Variants in ACSS3 observed in about 807,000 individuals in gnomAD.
The protein encoded by ACSS3 is acyl-CoA synthetase short-chain family member 3, mitochondrial.
Under a neutral mutation model 84.2 loss-of-function variants are expected in ACSS3, and 64 were observed. That is an observed-to-expected ratio of 0.76 (90% CI 0.62 to 0.94). ACSS3 has a LOEUF of 0.94. Among genes scored for constraint, ACSS3 ranks in the 40% least tolerant of loss-of-function variants. ACSS3 has a pLI of 0.00. For missense variants in ACSS3, 815 were observed against 867.6 expected (o/e 0.94, Z 0.76); for synonymous variants, 317 against 310.1 (o/e 1.02, Z -0.23).
In ACSS3 at chr12:81,245,747, G is replaced by A. The variant is rs1565742374; in HGVS notation, c.1720-7560G>A. ...GTTTTGGGGGAGTGGTTTTCCCTGT[G>A]AACTTCCTCTCTGACAAATCTAAGA... On this transcript the variant is annotated intron_variant, in intron 13 of 15. Coordinates refer to ENST00000548058, the MANE Select transcript of ACSS3 (RefSeq NM_024560.4). Among the ~76,000 whole-genome samples, 6 of 152,184 alleles carry A rather than the reference G, an allele frequency of 3.9e-5. No individual in the cohort carries two copies. The South Asian group carries it at 1.2e-3, about 32-fold the overall frequency.
chr12:81,112,469 T>C (rs1168923977), intron 2 of ACSS3, among the ~76,000 whole-genome samples: 1 of 152,228 alleles, frequency 6.6e-6, no homozygotes, highest in Admixed American at 6.5e-5. Context: ...TAGAAGCTTT[T>C]CTGCTAACTC....
chr12:81,179,271 C>CAAAAAAAAAAAAA (rs71098127), intron 8 of ACSS3, among the ~76,000 whole-genome samples: 62 of 66,726 alleles, frequency 9.3e-4, no homozygotes, highest in East Asian at 3.9e-3. Context: ...AAGTAATTGC[C>CAAAAAAAAAAAAA]AAAAAAAAAA....
chr12:81,208,778 A>G (rs1179268074), intron 9 of ACSS3, among the ~76,000 whole-genome samples: 1 of 152,064 alleles, frequency 6.6e-6, no homozygotes, highest in Admixed American at 6.6e-5. Flanking sequence ...TATCTCCCTA[A>G]GTACACTTGC....
intron 9 of ACSS3, among the ~76,000 whole-genome samples, chr12:81,214,525 C>G (rs2032827482): frequency 6.6e-6 from 1 of 152,006 alleles, no homozygotes; most frequent in South Asian, 2.1e-4. Flanking sequence ...GTCTTATAAT[C>G]ATAATGTATA....
At chr12:81,134,786 C>A in intron 2 of ACSS3, 30 bp from the exon 3 acceptor site, 1 of 1,455,534 alleles carries the variant, frequency 6.9e-7, no homozygotes, top group African/African-American at 1.4e-5. Context: ...ATACAAAATA[C>A]ACTTTACTGA....
At chr12:81,085,014 A>G (rs575167235) in intron 1 of ACSS3, among the ~76,000 whole-genome samples, 9 of 150,210 alleles carry the variant, frequency 6.0e-5, no homozygotes, top group Non-Finnish European at 1.0e-4. Context: ...TGGGTCAAGT[A>G]AAATAAGTTT....
At chr12:81,221,513 C>A (rs573481628) in intron 11 of ACSS3, among the ~76,000 whole-genome samples, 1 of 151,974 alleles carries the variant, frequency 6.6e-6, no homozygotes, top group South Asian at 2.1e-4. Flanking sequence ...ATATAGAAAG[C>A]TAATAGAAAG....
chr12:81,177,899 A>C (rs2030611943), intron 8 of ACSS3, among the ~76,000 whole-genome samples: 1 of 152,232 alleles, frequency 6.6e-6, no homozygotes, highest in South Asian at 2.1e-4. Context: ...TATGAAAGTC[A>C]GTGTGGCGAT....
chr12:81,215,536 A>G (rs992065973), intron 9 of ACSS3, among the ~76,000 whole-genome samples: 4 of 152,220 alleles, frequency 2.6e-5, no homozygotes, highest in African/African-American at 7.2e-5. Flanking sequence ...GTGATAAATT[A>G]TGGTAGAGCC....
chr12:81,092,087 A>C (rs7303627), intron 1 of ACSS3, among the ~76,000 whole-genome samples: 10,009 of 152,168 alleles, frequency 0.066, 819 homozygotes, highest in African/African-American at 0.2. Context: ...TGCATACATA[A>C]ATATATACAT....
intron 1 of ACSS3, among the ~76,000 whole-genome samples, chr12:81,102,335 T>C (rs1882582573): frequency 6.6e-6 from 1 of 152,120 alleles, no homozygotes; most frequent in Non-Finnish European, 1.5e-5. Context: ...TCTTAAATCT[T>C]GTACAGGATC....
intron 1 of ACSS3, among the ~76,000 whole-genome samples, chr12:81,097,283 A>G (rs774938365): frequency 7.2e-5 from 11 of 152,120 alleles, no homozygotes; most frequent in African/African-American, 2.7e-4. Flanking sequence ...TTCCATTGCA[A>G]TCTCTCAGTT....
chr12:81,119,834 C>G (rs1884417193), intron 2 of ACSS3, among the ~76,000 whole-genome samples: 2 of 152,196 alleles, frequency 1.3e-5, no homozygotes, highest in Non-Finnish European at 2.9e-5. Flanking sequence ...ACAATCATCA[C>G]AGTGATCCTG....
intron 1 of ACSS3, among the ~76,000 whole-genome samples, chr12:81,080,787 T>C (rs1047891871): frequency 5.3e-5 from 8 of 152,232 alleles, no homozygotes; most frequent in Admixed American, 3.9e-4. Flanking sequence ...AGAGCTGGCA[T>C]ATAAATTTTT....
At chr12:81,152,282 A>G (rs1263294736) in intron 7 of ACSS3, among the ~76,000 whole-genome samples, 186 bp downstream of exon 7, 1 of 152,174 alleles carries the variant, frequency 6.6e-6, no homozygotes, top group East Asian at 1.9e-4. Context: ...CTGTTATTTA[A>G]ATTTTGTTGA....
At chr12:81,208,093 A>G (rs1220957165) in intron 9 of ACSS3, among the ~76,000 whole-genome samples, 1 of 152,130 alleles carries the variant, frequency 6.6e-6, no homozygotes, top group Non-Finnish European at 1.5e-5. Context: ...TCTGCTACCT[A>G]TTCAAGTTAT....
At chr12:81,195,272 G>T (rs1162510353) in intron 8 of ACSS3, among the ~76,000 whole-genome samples, 1 of 151,838 alleles carries the variant, frequency 6.6e-6, no homozygotes, top group Non-Finnish European at 1.5e-5. Context: ...TTAAAAACAT[G>T]GCACTACTTT....
At chr12:81,121,211 A>G (rs1419387015) in intron 2 of ACSS3, among the ~76,000 whole-genome samples, 1 of 152,154 alleles carries the variant, frequency 6.6e-6, no homozygotes, top group African/African-American at 2.4e-5. Flanking sequence ...ACATTGCCCA[A>G]TCCTGGGAAG....
intron 1 of ACSS3, among the ~76,000 whole-genome samples, chr12:81,098,457 A>G (rs1882247153): frequency 6.6e-6 from 1 of 152,120 alleles, no homozygotes; most frequent in Non-Finnish European, 1.5e-5. Context: ...GTTTATATCA[A>G]TTAGCCTGTG....
Sources: gnomAD v4.1 joint callset for allele counts (sites outside exome capture counted in the v4.1 genomes callset) on GRCh38, gnomAD v4.1.1 for gene constraint, MANE v1.5 for transcripts, NCBI Gene and HGNC (gene_info 2026-07-23, HGNC 2026-07-21) for gene names.